Variants in TNS3 observed in about 807,000 individuals in gnomAD.
TNS3 encodes the protein tensin-3.
In TNS3, 45 loss-of-function variants were observed where a neutral mutation model predicts 140.9. That is an observed-to-expected ratio of 0.32 (90% confidence interval 0.25 to 0.41). The LOEUF (loss-of-function observed/expected upper bound fraction) is 0.41, where lower values mean the gene tolerates loss of function less well. Among genes scored for constraint, TNS3 ranks in the 10% least tolerant of loss-of-function variants. TNS3 has a pLI of 1.00. For synonymous variants in TNS3, 815 were observed against 788.4 expected (o/e 1.03, Z -0.56); for missense variants, 1,716 against 1,906.7 (o/e 0.90, Z 1.86).
At chr7:47,296,978 G>GT in intron 24 of TNS3, 104 bp downstream of exon 24, 2 of 1,374,900 alleles carry the variant, frequency 1.5e-6, no homozygotes, top group Non-Finnish European at 2.0e-6. Context: ...AATAAAATTT[G>GT]TGAGTATTGT....
At chr7:47,323,477 T>C (rs1466186309) in intron 20 of TNS3, among the ~76,000 whole-genome samples, 6 of 152,304 alleles carry the variant, frequency 3.9e-5, no homozygotes, top group African/African-American at 1.4e-4. Context: ...CAAAGGAAAT[T>C]TTCTAAACAG....
chr7:47,448,813 G>T lies in TNS3; in HGVS notation c.-75-6758C>A, dbSNP rs183039245. 2.9e-3 allele frequency among the ~76,000 whole-genome samples: 448 copies of T among 152,198 alleles called. 5 individuals carry two copies. The Middle Eastern group carries it at 0.034, about 12-fold the overall frequency. On this transcript the variant is annotated intron_variant, in intron 4 of 30. Transcript: ENST00000311160. Reference sequence around the variant, plus strand: ...CTTTTTTAACCTATGTCCTTCGACTGCTTGTTTGAACAAATCAACAGTTTC... The same window carrying T: ...CTTTTTTAACCTATGTCCTTCGACTTCTTGTTTGAACAAATCAACAGTTTC...
At position 47,300,834 on chromosome 7, in the gene TNS3, G is replaced by A. The variant is rs145260095; in HGVS notation, c.3544+1352C>T. ...TGGTGGCAACAGGCACACAGCATCC[G>A]GCCGCAGAGAGGCCCTCAGCCATGG... On this transcript the variant is annotated intron_variant, in intron 23 of 30. Coordinates refer to ENST00000311160, the MANE Select transcript of TNS3 (RefSeq NM_022748.12). Among the ~76,000 whole-genome samples, 6 of 152,314 alleles carry A rather than the reference G, an allele frequency of 3.9e-5. 1 individual carries two copies. In the East Asian group the frequency reaches 7.7e-4, roughly 20 times the overall value.
rs371728852 is a variant in TNS3, at chr7:47,505,009, C to T, written c.-115+1898G>A. On this transcript the variant is annotated intron_variant, in intron 3 of 30. Coordinates refer to ENST00000311160, the MANE Select transcript of TNS3 (RefSeq NM_022748.12). ...GAACCAAAGAATTCAATCCCTTAAG[C>T]AGCCGGCGACAGGCTTCATTTAAGA... is the stretch of plus-strand genomic sequence containing the variant. Among the ~76,000 whole-genome samples the T allele has an allele frequency of 7.2e-5, 11 of 152,174 alleles. 1 individual carries two copies. In the East Asian group the frequency reaches 1.3e-3, roughly 19 times the overall value.
At chr7:47,566,869 G>A (rs888736882) in intron 1 of TNS3, among the ~76,000 whole-genome samples, 7 of 151,888 alleles carry the variant, frequency 4.6e-5, no homozygotes, top group African/African-American at 1.2e-4. Context: ...GTGAAACCCC[G>A]TCTCTACTAA....
At position 47,392,480 on chromosome 7, in the gene TNS3, G is replaced by A. The variant is rs116117458; in HGVS notation, c.1024+4320C>T. The stretch of plus-strand genomic sequence containing the variant: ...TTTTGGGGTTTTTTAACCAGGCGGC[G>A]GGGGGATAGAAAAGGCAGGGGCAGG... On this transcript the variant is annotated intron_variant, in intron 16 of 30. Coordinates refer to ENST00000311160, the MANE Select transcript of TNS3 (RefSeq NM_022748.12). Among the ~76,000 whole-genome samples, 158 of 152,282 alleles carry A rather than the reference G, an allele frequency of 1.0e-3. 1 individual carries two copies. The highest frequency in any genetic ancestry group is 6.8e-3 in the Middle Eastern group (2 of 292).
rs149842772 is a variant in TNS3, at chr7:47,531,711, G to A, written c.-264-2564C>T. 2.7e-3 allele frequency among the ~76,000 whole-genome samples: 415 copies of A among 152,356 alleles called. 1 individual carries two copies. The highest frequency in any genetic ancestry group is 4.9e-3 in the Non-Finnish European group (335 of 68,038). The stretch of plus-strand genomic sequence containing the variant: ...TGATGACAGCGGTTGCTACCATCAC[G>A]CTGGCTGCAGCAGGGAGGTGAGGCT... On this transcript the variant is annotated intron_variant, in intron 1 of 30. Coordinates refer to ENST00000311160, the MANE Select transcript of TNS3 (RefSeq NM_022748.12).
chr7:47,358,952 CT>C (rs1790161725), intron 17 of TNS3, among the ~76,000 whole-genome samples: 1 of 152,206 alleles, frequency 6.6e-6, no homozygotes, highest in African/African-American at 2.4e-5. Flanking sequence ...CCCCAGAGAC[CT>C]GGTGATACCA....
intron 4 of TNS3, among the ~76,000 whole-genome samples, chr7:47,450,690 C>A (rs1329898475): frequency 6.6e-6 from 1 of 152,226 alleles, no homozygotes; most frequent in Non-Finnish European, 1.5e-5. Flanking sequence ...AGCTACAGCC[C>A]AGGCTGGCCA....
chr7:47,509,101 C>T (rs1032593246), intron 2 of TNS3, among the ~76,000 whole-genome samples: 4 of 152,184 alleles, frequency 2.6e-5, no homozygotes, highest in South Asian at 2.1e-4. Context: ...TCATGCAACA[C>T]GCCAACTCAA....
intron 16 of TNS3, among the ~76,000 whole-genome samples, chr7:47,373,133 AG>A (rs1245555126): frequency 3.3e-5 from 5 of 152,184 alleles, no homozygotes; most frequent in African/African-American, 1.2e-4. Flanking sequence ...TTTCTCATAA[AG>A]GGCTATCATT....
intron 4 of TNS3, among the ~76,000 whole-genome samples, chr7:47,446,069 C>T (rs538476148): frequency 1.2e-4 from 19 of 152,272 alleles, no homozygotes; most frequent in African/African-American, 4.6e-4. Context: ...AGGCACCAGT[C>T]CTGCAAATCT....
intron 12 of TNS3, 120 bp downstream of exon 12, chr7:47,413,817 G>A: frequency 8.0e-7 from 1 of 1,244,274 alleles, no homozygotes; most frequent in South Asian, 1.4e-5. Flanking sequence ...TTGGCTTCTT[G>A]GCATTCTCTG....
intron 13 of TNS3, among the ~76,000 whole-genome samples, chr7:47,410,861 T>G (rs866956864): frequency 3.9e-5 from 6 of 152,284 alleles, no homozygotes; most frequent in Middle Eastern, 3.4e-3. Flanking sequence ...TAAAAAATTT[T>G]CCTAAAATTA....
intron 13 of TNS3, chr7:47,405,376 C>T (rs1253424144): frequency 9.5e-6 from 6 of 634,090 alleles, no homozygotes; most frequent in South Asian, 1.9e-5. Context: ...CAACTGTCTA[C>T]GCAGGCCTCA....
At chr7:47,566,377 A>G (rs1800428879) in intron 1 of TNS3, among the ~76,000 whole-genome samples, 1 of 152,212 alleles carries the variant, frequency 6.6e-6, no homozygotes, top group African/African-American at 2.4e-5. Flanking sequence ...GCTCTTACAG[A>G]GTCAGGGTTT....
chr7:47,280,711 C>T (rs1260247348), intron 28 of TNS3, among the ~76,000 whole-genome samples: 2 of 152,098 alleles, frequency 1.3e-5, no homozygotes, highest in African/African-American at 4.8e-5. Flanking sequence ...GTCAGGAGTT[C>T]AAGACCAGCC....
At chr7:47,361,280 C>T (rs1037577087) in intron 17 of TNS3, among the ~76,000 whole-genome samples, 3 of 151,752 alleles carry the variant, frequency 2.0e-5, no homozygotes, top group African/African-American at 7.3e-5. Flanking sequence ...AGGGAAGAGC[C>T]ACACTCCTTG....
intron 20 of TNS3, among the ~76,000 whole-genome samples, chr7:47,339,429 G>T (rs910100196): frequency 1.3e-5 from 2 of 152,082 alleles, no homozygotes; most frequent in African/African-American, 4.8e-5. Context: ...AGGTGCCCCC[G>T]CATCATTTGT....
Sources: gnomAD v4.1 joint callset for allele counts (sites outside exome capture counted in the v4.1 genomes callset) on GRCh38, gnomAD v4.1.1 for gene constraint, MANE v1.5 for transcripts, NCBI Gene and HGNC (gene_info 2026-07-23, HGNC 2026-07-21) for gene names.